Variants in CUX1 observed in about 807,000 individuals in gnomAD.
CUX1 encodes cut like homeobox 1.
CUX1 carries 31 observed loss-of-function variants against 158.8 expected under a neutral mutation model. That is an observed-to-expected ratio of 0.20 (90% CI 0.15 to 0.26). CUX1 has a LOEUF of 0.26. Among genes scored for constraint, CUX1 ranks in the 10% least tolerant of loss-of-function variants. The pLI is 1.00. For missense variants in CUX1, 1,589 were observed against 2,014.6 expected (o/e 0.79, Z 4.04); for synonymous variants, 879 against 862.1 (o/e 1.02, Z -0.34).
intron 2 of CUX1, among the ~76,000 whole-genome samples, chr7:101,925,260 C>T (rs1434319775): frequency 2.0e-5 from 3 of 152,172 alleles, no homozygotes; most frequent in Non-Finnish European, 4.4e-5. Flanking sequence ...AGGCATGTGC[C>T]ACTGTGCCCA....
intron 11 of CUX1, among the ~76,000 whole-genome samples, chr7:102,189,395 T>TAA (rs781927755): frequency 9.2e-6 from 1 of 108,828 alleles, no homozygotes; most frequent in Non-Finnish European, 1.8e-5. Flanking sequence ...TTTTTTTTTT[T>TAA]AAAAAAAAAA....
chr7:102,281,361 C>T (rs926363029), intron 20 of CUX1, among the ~76,000 whole-genome samples: 1 of 151,802 alleles, frequency 6.6e-6, no homozygotes, highest in African/African-American at 2.4e-5. Context: ...TCTAAAAAAA[C>T]GTTTTTAAAG....
At chr7:102,217,257 T>C (rs996696557) in intron 20 of CUX1, among the ~76,000 whole-genome samples, 1 of 152,244 alleles carries the variant, frequency 6.6e-6, no homozygotes, top group East Asian at 1.9e-4. Flanking sequence ...TTTTAATTTT[T>C]AATATCTTCA....
At chr7:102,100,774 C>T (rs1319060115) in intron 5 of CUX1, among the ~76,000 whole-genome samples, 1 of 150,698 alleles carries the variant, frequency 6.6e-6, no homozygotes, top group Non-Finnish European at 1.5e-5. Flanking sequence ...CGAGACCAGC[C>T]TGGACAACAT....
intron 8 of CUX1, among the ~76,000 whole-genome samples, chr7:102,137,423 G>A (rs1834027326): frequency 6.6e-6 from 1 of 152,122 alleles, no homozygotes; most frequent in South Asian, 2.1e-4. Flanking sequence ...ATCACCTGAG[G>A]TCACAAGTTC....
At chr7:101,945,055 C>T (rs1210131329) in intron 2 of CUX1, among the ~76,000 whole-genome samples, 4 of 152,164 alleles carry the variant, frequency 2.6e-5, no homozygotes, top group African/African-American at 7.2e-5. Context: ...GGTGCCACCC[C>T]ACCTCCCAAG....
chr7:102,191,398 T>C (rs1554516924), intron 12 of CUX1, among the ~76,000 whole-genome samples: 1 of 152,140 alleles, frequency 6.6e-6, no homozygotes, highest in Non-Finnish European at 1.5e-5. Context: ...CACCCCGGGC[T>C]AATTTTGTAT....
intron 8 of CUX1, among the ~76,000 whole-genome samples, chr7:102,152,949 C>G (rs145454758): frequency 2.6e-4 from 40 of 152,360 alleles, no homozygotes; most frequent in African/African-American, 9.6e-4. Context: ...TTATCACATT[C>G]AGTATTTTGG....
At chr7:101,908,389 G>T (rs1351704234) in intron 1 of CUX1, among the ~76,000 whole-genome samples, 4 of 152,054 alleles carry the variant, frequency 2.6e-5, no homozygotes, top group Non-Finnish European at 5.9e-5. Flanking sequence ...CAGGTGATTT[G>T]CTCGCCTCGG....
intron 1 of CUX1, among the ~76,000 whole-genome samples, chr7:101,834,313 A>G (rs1794395505): frequency 6.6e-6 from 1 of 151,550 alleles, no homozygotes; most frequent in Admixed American, 6.6e-5. Context: ...AGCTGGGACT[A>G]CAGACACCCG....
intron 1 of CUX1, among the ~76,000 whole-genome samples, chr7:101,850,068 A>G (rs62463723): frequency 6.6e-6 from 1 of 151,606 alleles, no homozygotes; most frequent in Non-Finnish European, 1.5e-5. Flanking sequence ...GGATTATAGG[A>G]ATGTGCCACC....
At chr7:101,816,576 C>CCGCCCGCT (rs1311406640), upstream of CUX1, among the ~76,000 whole-genome samples, 3 of 141,750 alleles carry the variant, frequency 2.1e-5, no homozygotes, top group Non-Finnish European at 3.1e-5. Flanking sequence ...TGGCGCCCGC[C>CCGCCCGCT]CGCCCGCTCG....
At chr7:102,050,331 T>G (rs1212281531) in intron 3 of CUX1, among the ~76,000 whole-genome samples, 1 of 152,212 alleles carries the variant, frequency 6.6e-6, no homozygotes, top group Non-Finnish European at 1.5e-5. Flanking sequence ...GGTAGCTAGT[T>G]ATTGATTATA....
rs185996546 is a variant in CUX1, at chr7:101,863,424, C to T, written c.30+45755C>T. 2.0e-4 allele frequency among the ~76,000 whole-genome samples: 30 copies of T among 150,796 alleles called. No individual in the cohort carries two copies. The East Asian group carries it at 5.9e-3, about 29-fold the overall frequency. ...GGAGTGCAGTGGCATGATCTTGGCT[C>T]ACTGCAACCTCTGCCTCTTGAGTTA... On this transcript the variant is annotated intron_variant, in intron 1 of 23. Coordinates refer to ENST00000292535, the MANE Select transcript of CUX1 (RefSeq NM_181552.4).
chr7:101,864,299 T>G (rs1487628437), intron 1 of CUX1, among the ~76,000 whole-genome samples: 5 of 152,042 alleles, frequency 3.3e-5, no homozygotes, highest in African/African-American at 9.7e-5. Context: ...TAGCTGGGAC[T>G]ATAGGTGTGC....
At chr7:101,923,142 G>C (rs1310588567) in intron 2 of CUX1, among the ~76,000 whole-genome samples, 1 of 152,146 alleles carries the variant, frequency 6.6e-6, no homozygotes, top group Non-Finnish European at 1.5e-5. Context: ...GGAGTTAGTG[G>C]ATGGAGAGTG....
In CUX1 at chr7:102,197,103, G is replaced by A. The variant is rs1192645234; in HGVS notation, c.1692G>A (p.Leu564=). 1.8e-5 allele frequency: 29 copies of A among 1,614,132 alleles called. No homozygotes were observed. Among genetic ancestry groups the A allele is most frequent in the Non-Finnish European group, 1.6e-5 (19 of 1,180,054 alleles). ...AEIARQVKEQ[L]IKHNIGQRIF... Reference sequence around the variant, plus strand: ...TCGCCCGGCAGGTCAAAGAGCAGCTGATTAAGCACAATATCGGACAACGTA... The same window carrying A: ...TCGCCCGGCAGGTCAAAGAGCAGCTAATTAAGCACAATATCGGACAACGTA... The change falls in exon 15 of 24, where the codon CTG becomes CTA. Residue 564 remains leucine (L), a synonymous_variant. Transcript: ENST00000292535.
At chr7:101,993,223 G>A (rs1193763159) in intron 2 of CUX1, among the ~76,000 whole-genome samples, 12 of 152,170 alleles carry the variant, frequency 7.9e-5, no homozygotes, top group Non-Finnish European at 7.4e-5. Context: ...CTAGTTACTC[G>A]TGAGGCTGAG....
chr7:102,016,024 G>A (rs13437746), intron 2 of CUX1, among the ~76,000 whole-genome samples: 63,755 of 151,158 alleles, frequency 0.42, 13,953 homozygotes, highest in Non-Finnish European at 0.46. Context: ...TCTGTTGCCC[G>A]GGGTGGTCTC....
Sources: gnomAD v4.1 joint callset for allele counts (sites outside exome capture counted in the v4.1 genomes callset) on GRCh38, gnomAD v4.1.1 for gene constraint, MANE v1.5 for transcripts, NCBI Gene and HGNC (gene_info 2026-07-23, HGNC 2026-07-21) for gene names.